ARHGEF4: variants seen among roughly 807,000 people sequenced by gnomAD.
ARHGEF4 encodes Rho guanine nucleotide exchange factor 4, also known as APC-stimulated guanine nucleotide exchange factor 1.
Under a neutral mutation model 162.0 loss-of-function variants are expected in ARHGEF4, and 119 were observed. The observed-to-expected ratio is 0.73, with a 90% CI of 0.63 to 0.86. The LOEUF (loss-of-function observed/expected upper bound fraction) is 0.86. Ranked by LOEUF, ARHGEF4 falls within the 40% of genes least tolerant of loss-of-function variation. ARHGEF4 has a pLI of 0.00. For synonymous variants in ARHGEF4, 1,014 were observed against 979.9 expected (o/e 1.03, Z -0.65); for missense variants, 2,488 against 2,456.0 (o/e 1.01, Z -0.28).
intron 1 of ARHGEF4, among the ~76,000 whole-genome samples, chr2:130,843,427 G>A (rs957404312): frequency 6.6e-6 from 1 of 152,242 alleles, no homozygotes; most frequent in Non-Finnish European, 1.5e-5. Flanking sequence ...GGGTGGGGCA[G>A]ACCCGGCAGG....
intron 4 of ARHGEF4, among the ~76,000 whole-genome samples, chr2:131,008,507 A>G (rs1343167632): frequency 6.6e-6 from 1 of 152,182 alleles, no homozygotes; most frequent in Non-Finnish European, 1.5e-5. Flanking sequence ...TAAATGGAGT[A>G]TTTAGTCCAT....
chr2:130,976,275 A>G (rs4850102), intron 4 of ARHGEF4, among the ~76,000 whole-genome samples: 79,557 of 151,810 alleles, frequency 0.52, 23,784 homozygotes, highest in Non-Finnish European at 0.65. Flanking sequence ...AACATCGCAG[A>G]GCCTAGGACG....
chr2:130,918,923 C>T (rs1041231634), intron 2 of ARHGEF4, among the ~76,000 whole-genome samples: 9 of 152,272 alleles, frequency 5.9e-5, no homozygotes, highest in African/African-American at 1.9e-4. Context: ...AAGGCCTCTC[C>T]CCAAAACCGT....
intron 1 of ARHGEF4, among the ~76,000 whole-genome samples, chr2:130,867,425 A>G (rs987999553): frequency 2.0e-5 from 3 of 151,758 alleles, no homozygotes; most frequent in African/African-American, 7.3e-5. Flanking sequence ...TTTAGTAGAG[A>G]GGGGGTTTCA....
chr2:131,014,475 A>G (rs1688652136), intron 4 of ARHGEF4, among the ~76,000 whole-genome samples: 1 of 152,242 alleles, frequency 6.6e-6, no homozygotes, highest in South Asian at 2.1e-4. Flanking sequence ...TTTGATAGGA[A>G]TTGCATTAAA....
At position 130,913,228 on chromosome 2, in the gene ARHGEF4, G is replaced by A. The variant is rs761842938; in HGVS notation, c.40-758G>A. Among the ~76,000 whole-genome samples the A allele has an allele frequency of 1.2e-4, 18 of 152,022 alleles. 1 individual carries two copies. Among genetic ancestry groups the A allele is most frequent in the Admixed American group, 9.2e-4 (14 of 15,266 alleles). On this transcript the variant is annotated intron_variant, in intron 1 of 13. Coordinates refer to ENST00000409359, the MANE Select transcript of ARHGEF4 (RefSeq NM_001367493.1). ...AGTTGGAGGGAAGCAGGGATTGACC[G>A]GGGAGGGGCAGGGCCTTTTTGGGGA...
chr2:130,909,688 G>C (rs1371877188), intron 1 of ARHGEF4, among the ~76,000 whole-genome samples: 1 of 151,918 alleles, frequency 6.6e-6, no homozygotes, highest in Non-Finnish European at 1.5e-5. Context: ...GTAATACAAA[G>C]AAAATAAAAC....
chr2:130,896,530 C>T (rs1044187529), intron 1 of ARHGEF4, among the ~76,000 whole-genome samples: 18 of 152,164 alleles, frequency 1.2e-4, no homozygotes, highest in Non-Finnish European at 2.6e-4. Flanking sequence ...CCCTCCCAAC[C>T]GCAATATGAG....
At chr2:131,003,759 G>T (rs1191948701) in intron 4 of ARHGEF4, among the ~76,000 whole-genome samples, 3 of 152,210 alleles carry the variant, frequency 2.0e-5, no homozygotes, top group Admixed American at 6.5e-5. Context: ...CCAGGGCAAA[G>T]ATGACATCTG....
At chr2:130,923,590 A>G (rs1376027860) in intron 2 of ARHGEF4, among the ~76,000 whole-genome samples, 1 of 152,244 alleles carries the variant, frequency 6.6e-6, no homozygotes, top group Non-Finnish European at 1.5e-5. Flanking sequence ...ATAATACAGC[A>G]GGATGTCCGT....
Position 130,865,190 on chromosome 2 carries a change from C to T in ARHGEF4, c.39+28198C>T, listed in dbSNP as rs137855312. On this transcript the variant is annotated intron_variant, in intron 1 of 13. Transcript: ENST00000409359. Reference sequence around the variant, plus strand: ...GCATCTCAGAAGAGAGAGGAAATTGCCCTGGGCCTTCTAAGACAGGCAGAC... The same window carrying T: ...GCATCTCAGAAGAGAGAGGAAATTGTCCTGGGCCTTCTAAGACAGGCAGAC... Among the ~76,000 whole-genome samples the T allele has an allele frequency of 1.1e-4, 16 of 152,256 alleles. No individual in the cohort carries two copies. In the East Asian group the frequency reaches 2.9e-3, roughly 28 times the overall value.
At chr2:130,974,622 T>C (rs1462552896) in intron 4 of ARHGEF4, among the ~76,000 whole-genome samples, 1 of 147,374 alleles carries the variant, frequency 6.8e-6, no homozygotes, top group Non-Finnish European at 1.5e-5. Context: ...AGCTATTTTT[T>C]TTTTTTTTTT....
rs1681482235 is a variant in ARHGEF4, at chr2:130,916,224, G to A, written c.2278G>A (p.Ala760Thr). Residue 760 changes from alanine (A) to threonine (T), a missense_variant, in exon 2 of 14, where the codon GCA becomes ACA. Coordinates refer to ENST00000409359, the MANE Select transcript of ARHGEF4 (RefSeq NM_001367493.1). ...GGAGGAGGCCCCCGAAGGCGGTGCT[G>A]CAGCAGCCCGGGGCCAGCGCCCCCG... ...GPEEAPEGGA[A>T]AARGQRPRVP... The A allele has an allele frequency of 6.5e-7, 1 of 1,541,406 alleles. No homozygotes were observed.
intron 4 of ARHGEF4, among the ~76,000 whole-genome samples, chr2:131,001,059 C>A (rs1364691912): frequency 6.6e-6 from 1 of 152,034 alleles, no homozygotes; most frequent in Non-Finnish European, 1.5e-5. Flanking sequence ...GATCCCAGCA[C>A]TTTGGGAGGC....
At chr2:131,001,980 A>C (rs1287402790) in intron 4 of ARHGEF4, among the ~76,000 whole-genome samples, 2 of 152,204 alleles carry the variant, frequency 1.3e-5, no homozygotes, top group Admixed American at 6.5e-5. Context: ...AAATATGCCA[A>C]AATGCTGGCA....
chr2:131,045,268 T>C (rs989379171), intron 12 of ARHGEF4, 101 bp from the exon 13 acceptor site: 1 of 1,145,840 alleles, frequency 8.7e-7, no homozygotes, highest in African/African-American at 1.5e-5. Context: ...GAGTCCCCAG[T>C]ACATGATGAG....
intron 2 of ARHGEF4, among the ~76,000 whole-genome samples, chr2:130,929,369 ATCTC>A: frequency 6.6e-6 from 1 of 152,182 alleles, no homozygotes; most frequent in East Asian, 1.9e-4. Flanking sequence ...CTCTTCCTCC[ATCTC>A]TCTCTCTTTC....
intron 3 of ARHGEF4, among the ~76,000 whole-genome samples, chr2:130,943,155 C>G (rs1683409826): frequency 6.6e-6 from 1 of 152,096 alleles, no homozygotes; most frequent in South Asian, 2.1e-4. Context: ...GCATGGACAT[C>G]TAGGATTATA....
chr2:130,927,674 T>C (rs1423252300), intron 2 of ARHGEF4, among the ~76,000 whole-genome samples: 2 of 149,126 alleles, frequency 1.3e-5, no homozygotes, highest in Non-Finnish European at 3.0e-5. Flanking sequence ...TCAGCATCCA[T>C]ATAGGAAGCA....
Sources: gnomAD v4.1 joint callset for allele counts (sites outside exome capture counted in the v4.1 genomes callset) on GRCh38, gnomAD v4.1.1 for gene constraint, MANE v1.5 for transcripts, NCBI Gene and HGNC (gene_info 2026-07-23, HGNC 2026-07-21) for gene names.